CLIC5: variants seen among roughly 807,000 people sequenced by gnomAD.
CLIC5 encodes the protein CLIC family member 5.
Under a neutral mutation model 24.7 loss-of-function variants are expected in CLIC5, and 20 were observed. That is an observed-to-expected ratio of 0.81 (90% CI 0.57 to 1.18). The LOEUF (loss-of-function observed/expected upper bound fraction) is 1.18. CLIC5 is among the 50% of genes most tolerant of loss of function. The pLI is 0.00. For synonymous variants in CLIC5, 159 were observed against 135.6 expected (o/e 1.17, Z -1.20); for missense variants, 341 against 326.1 (o/e 1.05, Z -0.35).
intron 5 of CLIC5, among the ~76,000 whole-genome samples, chr6:45,904,013 G>T (rs572833124): frequency 1.3e-5 from 2 of 152,256 alleles, no homozygotes; most frequent in Admixed American, 6.5e-5. Context: ...CAGTCAGGGG[G>T]GATGTGGACT....
At chr6:46,126,493 AT>A in the CLIC5 span, among the ~76,000 whole-genome samples, 1 of 152,202 alleles carries the variant, frequency 6.6e-6, no homozygotes, top group African/African-American at 2.4e-5. Context: ...ATACAGAATC[AT>A]TTTTTAAAGG....
intron 1 of CLIC5, among the ~76,000 whole-genome samples, chr6:46,069,565 A>G (rs1374122106): frequency 6.6e-6 from 1 of 152,076 alleles, no homozygotes; most frequent in Non-Finnish European, 1.5e-5. Context: ...TGAATCGGTA[A>G]TAAATAGCCT....
At chr6:45,966,283 G>A (rs1765013509) in intron 1 of CLIC5, among the ~76,000 whole-genome samples, 1 of 151,934 alleles carries the variant, frequency 6.6e-6, no homozygotes, top group Admixed American at 6.5e-5. Context: ...TGTCAACAAA[G>A]TATGTTTTTA....
At chr6:45,932,839 C>T (rs1275208131) in intron 4 of CLIC5, 1 of 152,288 alleles carries the variant, frequency 6.6e-6, no homozygotes, top group African/African-American at 2.4e-5. Context: ...GAGGAATGCA[C>T]CTGTGGCTGG....
intron 4 of CLIC5, chr6:45,920,534 A>G (rs1763215577): frequency 5.7e-6 from 2 of 352,730 alleles, no homozygotes; most frequent in Admixed American, 6.4e-5. Context: ...TGGCCATCAC[A>G]TATTTTTGAA....
chr6:45,953,309 A>G (rs1264688468), intron 2 of CLIC5, among the ~76,000 whole-genome samples: 1 of 152,158 alleles, frequency 6.6e-6, no homozygotes, highest in Non-Finnish European at 1.5e-5. Context: ...TTGATGAAAC[A>G]CTAAATCACG....
intron 4 of CLIC5, among the ~76,000 whole-genome samples, chr6:45,933,287 G>C (rs1246854040): frequency 6.6e-6 from 1 of 152,228 alleles, no homozygotes; most frequent in East Asian, 1.9e-4. Flanking sequence ...TGGTAACCAC[G>C]TTTGAGCTTG....
At chr6:46,087,885 A>G in the CLIC5 span, among the ~76,000 whole-genome samples, 1 of 152,172 alleles carries the variant, frequency 6.6e-6, no homozygotes. Flanking sequence ...TGTACTAAAT[A>G]ACTAATGAAG....
intron 1 of CLIC5, among the ~76,000 whole-genome samples, chr6:45,972,448 T>G (rs984749300): frequency 1.3e-5 from 2 of 152,176 alleles, no homozygotes; most frequent in African/African-American, 4.8e-5. Context: ...AGGGTCCTCT[T>G]GTAAGTTTAT....
intron 6 of CLIC5, among the ~76,000 whole-genome samples, chr6:45,881,984 A>G (rs1004339189): frequency 1.3e-5 from 2 of 152,286 alleles, no homozygotes; most frequent in Non-Finnish European, 2.9e-5. Context: ...TCCTTTAAAA[A>G]AAAAAAAAAG....
intron 1 of CLIC5, among the ~76,000 whole-genome samples, chr6:46,048,870 C>T (rs766763659): frequency 2.0e-5 from 3 of 152,050 alleles, no homozygotes; most frequent in South Asian, 2.1e-4. Flanking sequence ...TGGTTCAGAC[C>T]GTGGCCACAG....
At chr6:45,928,977 C>A (rs1763619073) in intron 4 of CLIC5, among the ~76,000 whole-genome samples, 1 of 152,138 alleles carries the variant, frequency 6.6e-6, no homozygotes, top group Non-Finnish European at 1.5e-5. Flanking sequence ...CAGGCCAGGC[C>A]AGGAGAACTC....
At chr6:46,083,549 G>A (rs1458845894), upstream of CLIC5, among the ~76,000 whole-genome samples, 1 of 151,998 alleles carries the variant, frequency 6.6e-6, no homozygotes, top group African/African-American at 2.4e-5. Flanking sequence ...AGTCATTCAG[G>A]AGCAGGTTGT....
chr6:45,915,855 A>G (rs1202361020), intron 4 of CLIC5, among the ~76,000 whole-genome samples: 1 of 152,222 alleles, frequency 6.6e-6, no homozygotes, highest in African/African-American at 2.4e-5. Flanking sequence ...AAGGACAAAC[A>G]TGGAGGAGAT....
At chr6:46,032,961 G>C (rs1767549631) in intron 1 of CLIC5, among the ~76,000 whole-genome samples, 2 of 151,382 alleles carry the variant, frequency 1.3e-5, no homozygotes, top group Non-Finnish European at 2.9e-5. Context: ...TGAATCTAAG[G>C]GTAGGGCCTG....
intron 1 of CLIC5, among the ~76,000 whole-genome samples, chr6:46,032,198 T>G (rs938317328): frequency 6.6e-6 from 1 of 152,106 alleles, no homozygotes; most frequent in African/African-American, 2.4e-5. Context: ...TACATGGCTA[T>G]AGCAGGAGGA....
chr6:45,994,724 C>G (rs918251119), intron 1 of CLIC5, among the ~76,000 whole-genome samples: 2 of 152,168 alleles, frequency 1.3e-5, no homozygotes, highest in African/African-American at 4.8e-5. Context: ...CCACTGTGTA[C>G]AGTGCCCACG....
At chr6:46,046,945 G>T (rs1305283116) in intron 1 of CLIC5, among the ~76,000 whole-genome samples, 1 of 152,162 alleles carries the variant, frequency 6.6e-6, no homozygotes, top group African/African-American at 2.4e-5. Flanking sequence ...CCTAACGCAA[G>T]GATGATTTAT....
intron 1 of CLIC5, among the ~76,000 whole-genome samples, chr6:45,959,665 G>A (rs531997899): frequency 1.3e-5 from 2 of 152,188 alleles, no homozygotes; most frequent in African/African-American, 4.8e-5. Flanking sequence ...TATTAAGTCT[G>A]AGTAAGCATG....
Sources: gnomAD v4.1 joint callset for allele counts (sites outside exome capture counted in the v4.1 genomes callset) on GRCh38, gnomAD v4.1.1 for gene constraint, MANE v1.5 for transcripts, NCBI Gene and HGNC (gene_info 2026-07-23, HGNC 2026-07-21) for gene names.